The following GPR176 variants were observed in gnomAD, a reference collection of about 807,000 sequenced individuals.
The protein encoded by GPR176 is G-protein coupled receptor 176.
GPR176 carries 26 observed loss-of-function variants against 35.4 expected under a neutral mutation model. The observed-to-expected ratio is 0.74, with a 90% CI of 0.54 to 1.02. The LOEUF is 1.02. GPR176 is among the 50% of genes least tolerant of loss of function. The pLI, the probability that GPR176 is intolerant of heterozygous loss-of-function variation, is 0.00. For missense variants in GPR176, 597 were observed against 665.3 expected (o/e 0.90, Z 1.13); for synonymous variants, 278 against 271.3 (o/e 1.02, Z -0.24).
chr15:39,893,644 C>T (rs2032959500), intron 1 of GPR176, among the ~76,000 whole-genome samples: 1 of 152,112 alleles, frequency 6.6e-6, no homozygotes, highest in South Asian at 2.1e-4. Flanking sequence ...GGGTGGTGGC[C>T]GGGCAGAGGG....
intron 1 of GPR176, among the ~76,000 whole-genome samples, chr15:39,891,785 G>A (rs2032882864): frequency 2.0e-5 from 3 of 152,142 alleles, no homozygotes; most frequent in East Asian, 1.9e-4. Flanking sequence ...ACTGTAGTGA[G>A]TTATGATTGC....
chr15:39,819,115 A>G (rs1393446074), intron 1 of GPR176, among the ~76,000 whole-genome samples: 2 of 152,222 alleles, frequency 1.3e-5, no homozygotes, highest in Non-Finnish European at 2.9e-5. Context: ...GAAAAGAAGG[A>G]AAAGTTTTAC....
chr15:39,874,316 A>ATGATCTGC (rs1364862097), intron 1 of GPR176, among the ~76,000 whole-genome samples: 2 of 152,186 alleles, frequency 1.3e-5, no homozygotes, highest in Non-Finnish European at 1.5e-5. Flanking sequence ...TCTCACATGG[A>ATGATCTGC]TGATCTGCTG....
chr15:39,828,888 A>C (rs577143105), intron 1 of GPR176, among the ~76,000 whole-genome samples: 1 of 152,332 alleles, frequency 6.6e-6, no homozygotes, highest in Non-Finnish European at 1.5e-5. Context: ...CGGTATGTCC[A>C]TGCTGGAGTA....
chr15:39,862,786 A>G (rs1335145371), intron 1 of GPR176, among the ~76,000 whole-genome samples: 1 of 152,138 alleles, frequency 6.6e-6, no homozygotes, highest in African/African-American at 2.4e-5. Flanking sequence ...ATAAACTACT[A>G]TGGTACTTTT....
intron 1 of GPR176, among the ~76,000 whole-genome samples, chr15:39,899,498 C>A (rs1309726141): frequency 6.6e-6 from 1 of 152,188 alleles, no homozygotes; most frequent in Non-Finnish European, 1.5e-5. Context: ...GCCAGATCAA[C>A]TCTGAAGAAC....
At chr15:39,891,221 T>G (rs1252953780) in intron 1 of GPR176, among the ~76,000 whole-genome samples, 1 of 152,132 alleles carries the variant, frequency 6.6e-6, no homozygotes, top group East Asian at 1.9e-4. Flanking sequence ...ACATAATAAA[T>G]GCCACAAACC....
chr15:39,807,721 A>C (rs1330438528), intron 1 of GPR176: 1 of 598,374 alleles, frequency 1.7e-6, no homozygotes, highest in Non-Finnish European at 3.0e-6. Context: ...GATTTTAATA[A>C]TATTTTTTAT....
At chr15:39,817,172 C>G (rs556741830) in intron 1 of GPR176, among the ~76,000 whole-genome samples, 1 of 151,278 alleles carries the variant, frequency 6.6e-6, no homozygotes, top group Non-Finnish European at 1.5e-5. Flanking sequence ...GGATGAGCAA[C>G]TAAAAATTTT....
At chr15:39,807,402 T>A (rs1899265448) in intron 1 of GPR176, 144 bp from the exon 2 acceptor site, 3 of 722,768 alleles carry the variant, frequency 4.2e-6, no homozygotes, top group Admixed American at 7.2e-5. Context: ...TATTAAAATT[T>A]AACATATATG....
chr15:39,827,909 T>C (rs1355405388), intron 1 of GPR176, among the ~76,000 whole-genome samples: 2 of 152,212 alleles, frequency 1.3e-5, no homozygotes, highest in Non-Finnish European at 2.9e-5. Flanking sequence ...AATCTGAATG[T>C]CCATCATTAG....
At chr15:39,831,234 T>C (rs1300100490) in intron 1 of GPR176, among the ~76,000 whole-genome samples, 3 of 152,178 alleles carry the variant, frequency 2.0e-5, no homozygotes, top group Non-Finnish European at 4.4e-5. Flanking sequence ...ATCTCCTACA[T>C]TGGTTCCTCT....
At chr15:39,907,570 G>C (rs1421820036) in intron 1 of GPR176, among the ~76,000 whole-genome samples, 4 of 152,158 alleles carry the variant, frequency 2.6e-5, no homozygotes, top group African/African-American at 9.7e-5. Context: ...ATTGACTGTA[G>C]CAAGAGCTGT....
At chr15:39,824,644 G>A (rs1900502517) in intron 1 of GPR176, among the ~76,000 whole-genome samples, 4 of 152,136 alleles carry the variant, frequency 2.6e-5, no homozygotes, top group Non-Finnish European at 5.9e-5. Flanking sequence ...ACAGTATCTG[G>A]TAACCATGAA....
chr15:39,869,926 A>C (rs983120294), intron 1 of GPR176, among the ~76,000 whole-genome samples: 6 of 152,232 alleles, frequency 3.9e-5, no homozygotes, highest in African/African-American at 1.4e-4. Context: ...ACTGCTAAAA[A>C]ACAAGTTAAC....
At chr15:39,855,599 C>A (rs2031163057) in intron 1 of GPR176, among the ~76,000 whole-genome samples, 1 of 152,134 alleles carries the variant, frequency 6.6e-6, no homozygotes, top group East Asian at 1.9e-4. Flanking sequence ...GGCATCCAAG[C>A]CCCAGCATTA....
intron 1 of GPR176, among the ~76,000 whole-genome samples, chr15:39,817,911 T>TA (rs1209124403): frequency 6.6e-6 from 1 of 152,256 alleles, no homozygotes; most frequent in Admixed American, 6.5e-5. Flanking sequence ...TAAATAGCTC[T>TA]AAAAAGGATT....
At chr15:39,902,267 A>T (rs1460324401) in intron 1 of GPR176, among the ~76,000 whole-genome samples, 1 of 152,192 alleles carries the variant, frequency 6.6e-6, no homozygotes, top group Non-Finnish European at 1.5e-5. Flanking sequence ...TCAACCCACC[A>T]TTCAGCAGCA....
chr15:39,867,524 A>G (rs889135628), intron 1 of GPR176, among the ~76,000 whole-genome samples: 3 of 152,148 alleles, frequency 2.0e-5, no homozygotes, highest in Non-Finnish European at 4.4e-5. Context: ...AACGCCTCAA[A>G]GGCCCCAGGG....
Sources: gnomAD v4.1 joint callset for allele counts (sites outside exome capture counted in the v4.1 genomes callset) on GRCh38, gnomAD v4.1.1 for gene constraint, MANE v1.5 for transcripts, NCBI Gene and HGNC (gene_info 2026-07-23, HGNC 2026-07-21) for gene names.